Variants in TCF7L2 observed in about 807,000 individuals in gnomAD.
TCF7L2 encodes transcription factor 7-like 2.
Under a neutral mutation model 77.9 loss-of-function variants are expected in TCF7L2, and 23 were observed. The ratio of observed to expected loss-of-function variants is 0.30; its 90% CI spans 0.21 to 0.42. The LOEUF (loss-of-function observed/expected upper bound fraction) is 0.42, where lower values mean the gene tolerates loss of function less well. Among genes scored for constraint, TCF7L2 ranks in the 10% least tolerant of loss-of-function variants. The probability of loss-of-function intolerance (pLI) is 1.00; values close to 1 mark genes in which losing one functional copy is unlikely to be tolerated. For synonymous variants in TCF7L2, 413 were observed against 340.2 expected (o/e 1.21, Z -2.36); for missense variants, 654 against 793.1 (o/e 0.82, Z 2.11).
intron 5 of TCF7L2, among the ~76,000 whole-genome samples, chr10:113,109,367 A>G (rs1282163553): frequency 6.6e-6 from 1 of 152,112 alleles, no homozygotes; most frequent in Non-Finnish European, 1.5e-5. Context: ...AGGGTGTGGG[A>G]TTTATTTTTT....
chr10:113,119,330 G>A (rs1376506032), intron 5 of TCF7L2, among the ~76,000 whole-genome samples: 1 of 152,070 alleles, frequency 6.6e-6, no homozygotes, highest in Non-Finnish European at 1.5e-5. Flanking sequence ...CTATTGCTGC[G>A]GACCACGCCA....
chr10:112,974,497 G>A (rs2038976152), intron 4 of TCF7L2, among the ~76,000 whole-genome samples: 1 of 152,126 alleles, frequency 6.6e-6, no homozygotes, highest in Non-Finnish European at 1.5e-5. Flanking sequence ...AGGCTGGAGT[G>A]CAGTGGCGCG....
chr10:113,078,624 C>G (rs1009485054), intron 5 of TCF7L2, among the ~76,000 whole-genome samples: 2 of 151,978 alleles, frequency 1.3e-5, no homozygotes, highest in African/African-American at 4.8e-5. Context: ...CTTCCTCCCT[C>G]AGCCTCTCAA....
chr10:113,115,112 A>G (rs917372440), intron 5 of TCF7L2, among the ~76,000 whole-genome samples: 5 of 152,098 alleles, frequency 3.3e-5, no homozygotes, highest in Non-Finnish European at 2.9e-5. Flanking sequence ...GCAAAACTCA[A>G]ATGTTTTGTG....
chr10:113,160,723 T>A (rs907988633), intron 13 of TCF7L2: 1 of 1,559,072 alleles, frequency 6.4e-7, no homozygotes, highest in African/African-American at 1.4e-5. Flanking sequence ...TTTGGGAAAA[T>A]CAAAGCATTC....
intron 4 of TCF7L2, among the ~76,000 whole-genome samples, chr10:113,019,395 G>T (rs1214316701): frequency 6.6e-6 from 1 of 152,100 alleles, no homozygotes; most frequent in Non-Finnish European, 1.5e-5. Context: ...GTTGTGGGGG[G>T]GTGGCCCATG....
chr10:112,952,675 C>T (rs2032152269), intron 3 of TCF7L2, among the ~76,000 whole-genome samples: 1 of 151,958 alleles, frequency 6.6e-6, no homozygotes, highest in Non-Finnish European at 1.5e-5. Flanking sequence ...GGCTGGGGCG[C>T]CTCTCCTTCA....
intron 4 of TCF7L2, among the ~76,000 whole-genome samples, chr10:112,966,209 T>TATATATATATATATATATATA (rs1305413204): frequency 7.6e-5 from 10 of 131,480 alleles, no homozygotes; most frequent in Non-Finnish European, 1.0e-4. Flanking sequence ...TATATATATA[T>TATATATATATATATATATATA]ATTTTCTTTT....
chr10:112,966,733 TC>T (rs1375743552), intron 4 of TCF7L2, among the ~76,000 whole-genome samples: 2 of 152,216 alleles, frequency 1.3e-5, no homozygotes, highest in Non-Finnish European at 2.9e-5. Flanking sequence ...GCCGAGCAGT[TC>T]GTCTTTCTCC....
chr10:112,986,449 T>G (rs1232313568), intron 4 of TCF7L2, among the ~76,000 whole-genome samples: 2 of 152,192 alleles, frequency 1.3e-5, no homozygotes, highest in African/African-American at 2.4e-5. Context: ...ATGCTTTATC[T>G]TATAAAGCCT....
At chr10:113,014,976 A>G (rs894156345) in intron 4 of TCF7L2, among the ~76,000 whole-genome samples, 1 of 152,170 alleles carries the variant, frequency 6.6e-6, no homozygotes, top group African/African-American at 2.4e-5. Flanking sequence ...CACTTAGGCC[A>G]GGAGTTTGAG....
chr10:113,080,931 T>C (rs2059259984), intron 5 of TCF7L2, among the ~76,000 whole-genome samples: 1 of 152,214 alleles, frequency 6.6e-6, no homozygotes, highest in South Asian at 2.1e-4. Context: ...GGGGTTCCTG[T>C]GGCTAACAAG....
chr10:113,107,752 TAAAAAAAAAAAAA>T (rs398014821), intron 5 of TCF7L2, among the ~76,000 whole-genome samples: 79 of 55,266 alleles, frequency 1.4e-3, no homozygotes, highest in African/African-American at 4.3e-3. Flanking sequence ...AGACTCCGTC[TAAAAAAAAAAAAA>T]AAAAAAAAAA....
intron 5 of TCF7L2, among the ~76,000 whole-genome samples, chr10:113,116,565 C>T (rs2063757802): frequency 6.6e-6 from 1 of 151,998 alleles, no homozygotes; most frequent in Non-Finnish European, 1.5e-5. Context: ...GCCTGGGGAT[C>T]CTTTGCTTAT....
chr10:113,138,814 G>A (rs1244429334), intron 5 of TCF7L2, among the ~76,000 whole-genome samples: 1 of 152,112 alleles, frequency 6.6e-6, no homozygotes, highest in Non-Finnish European at 1.5e-5. Context: ...CCAGCAAGCA[G>A]GCCCAGGATG....
At chr10:113,148,783 A>G (rs1232501320) in intron 8 of TCF7L2, among the ~76,000 whole-genome samples, 3 of 152,228 alleles carry the variant, frequency 2.0e-5, no homozygotes, top group African/African-American at 7.2e-5. Context: ...GCCCACATCC[A>G]TGTTCACACA....
Position 112,979,976 on chromosome 10 carries a change from G to A in TCF7L2, c.450+15352G>A, listed in dbSNP as rs114056627. Among the ~76,000 whole-genome samples the A allele has an allele frequency of 2.8e-3, 419 of 152,260 alleles. 4 individuals carry two copies. The highest frequency in any genetic ancestry group is 9.6e-3 in the African/African-American group (398 of 41,542). On this transcript the variant is annotated intron_variant, in intron 4 of 13. Coordinates refer to ENST00000627217, the MANE Select transcript of TCF7L2 (RefSeq NM_001146274.2). ...AGTCTTCCAAATCATTTAAGAACAA[G>A]TAAGTACTATTAATTAAATGAACTT...
chr10:113,149,162 G>A (rs2070185871), intron 8 of TCF7L2, among the ~76,000 whole-genome samples: 1 of 152,196 alleles, frequency 6.6e-6, no homozygotes, highest in African/African-American at 2.4e-5. Context: ...TGTTTCCTCT[G>A]AGGCCTTCGA....
chr10:113,158,216 T>A (rs1307630101), intron 12 of TCF7L2, 147 bp downstream of exon 12: 1 of 748,904 alleles, frequency 1.3e-6, no homozygotes, highest in Admixed American at 2.7e-5. Context: ...TGTTTATGCA[T>A]TTTAATTAAT....
Sources: gnomAD v4.1 joint callset for allele counts (sites outside exome capture counted in the v4.1 genomes callset) on GRCh38, gnomAD v4.1.1 for gene constraint, MANE v1.5 for transcripts, NCBI Gene and HGNC (gene_info 2026-07-23, HGNC 2026-07-21) for gene names.